SMARCA4: variants seen among roughly 807,000 people sequenced by gnomAD.
The protein encoded by SMARCA4 is SWI/SNF related BAF chromatin remodeling complex subunit ATPase 4.
SMARCA4 carries 31 observed loss-of-function variants against 193.9 expected under a neutral mutation model. That is an observed-to-expected ratio of 0.16 (90% CI 0.12 to 0.22). The LOEUF (loss-of-function observed/expected upper bound fraction) is 0.22, where lower values mean the gene tolerates loss of function less well. SMARCA4 is among the 10% of genes least tolerant of loss of function. The pLI is 1.00. For missense variants in SMARCA4, 1,148 were observed against 2,296.0 expected (o/e 0.50, Z 10.22); for synonymous variants, 942 against 933.1 (o/e 1.01, Z -0.17).
Position 11,030,308 on chromosome 19 carries a change from G to T in SMARCA4, c.3383-422G>T, listed in dbSNP as rs2074835129. ...GTCCACCCACCCCCAGGTCCCTTGT[G>T]TTGCGAGCGGCGGTGTTGCCGGCAT... On this transcript the variant is annotated intron_variant, in intron 24 of 34. Coordinates refer to ENST00000344626, the MANE Select transcript of SMARCA4 (RefSeq NM_003072.5). The surrounding 1 kb of genome is among the most constrained non-coding windows in gnomAD (Gnocchi z 5.5). Among the ~76,000 whole-genome samples, 2 of 152,256 alleles carry T rather than the reference G, an allele frequency of 1.3e-5. No homozygotes were observed. Among genetic ancestry groups the T allele is most frequent in the African/African-American group, 4.8e-5 (2 of 41,474 alleles).
chr19:11,025,303 G>T, intron 21 of SMARCA4, 119 bp from the exon 22 acceptor site: 1 of 722,798 alleles, frequency 1.4e-6, no homozygotes. Flanking sequence ...TGTGCCAAAA[G>T]CCACTCTTCC....
At chr19:10,988,713 A>AT (rs1346346980) in intron 6 of SMARCA4, among the ~76,000 whole-genome samples, 8 of 151,684 alleles carry the variant, frequency 5.3e-5, no homozygotes, top group Admixed American at 1.3e-4. Context: ...TGGATATTTT[A>AT]TTTTTTTTAA....
chr19:11,022,881 A>G (rs576697561), intron 19 of SMARCA4, among the ~76,000 whole-genome samples: 1 of 152,356 alleles, frequency 6.6e-6, no homozygotes, highest in East Asian at 1.9e-4. Flanking sequence ...TAGTTTTGTC[A>G]CTTTCTGAGC....
In SMARCA4 at chr19:10,984,394, C is replaced by T. The variant is rs2145728084; in HGVS notation, c.222+21C>T. ...ACAAGGTAGGGATCCCTGTGCCCGC[C>T]TCGCACCTGCGGCCTCTGCCCACTA... On this transcript the variant is annotated intron_variant, in intron 2 of 34. Transcript: ENST00000344626. The surrounding 1 kb of genome is among the most constrained non-coding windows in gnomAD (Gnocchi z 4.3). 6.4e-7 allele frequency: 1 copy of T among 1,559,742 alleles called. No individual in the cohort carries two copies. The highest frequency in any genetic ancestry group is 8.7e-7 in the Non-Finnish European group (1 of 1,152,006).
chr19:11,013,703 C>G (rs1344012225), intron 16 of SMARCA4, among the ~76,000 whole-genome samples: 2 of 152,160 alleles, frequency 1.3e-5, no homozygotes, highest in Non-Finnish European at 2.9e-5. Flanking sequence ...AGACAAGAAC[C>G]TCCCACTAGA....
intron 16 of SMARCA4, among the ~76,000 whole-genome samples, chr19:11,018,057 C>G (rs534521723): frequency 1.3e-5 from 2 of 152,276 alleles, no homozygotes; most frequent in Non-Finnish European, 2.9e-5. Context: ...GCTGTGCCGC[C>G]TGGTTGGCTG....
chr19:11,004,514 G>T (rs895884490), intron 13 of SMARCA4, among the ~76,000 whole-genome samples: 1 of 152,228 alleles, frequency 6.6e-6, no homozygotes, highest in Non-Finnish European at 1.5e-5. Context: ...GCCTCCCAAA[G>T]TATTGGGATT....
rs577967046 is a variant in SMARCA4, at chr19:11,031,033, A to G, written c.3546+140A>G. On this transcript the variant is annotated intron_variant, in intron 25 of 34. Coordinates refer to ENST00000344626, the MANE Select transcript of SMARCA4 (RefSeq NM_003072.5). This position sits in a 1 kb window ranked among gnomAD's most constrained non-coding sequence, Gnocchi z 4.3. ...AGGAGCCGGGAGGAGCTGCACCCAT[A>G]TCTCCATAGGTCATCAGGGAGAAAA... 177 of 777,334 alleles carry G rather than the reference A, an allele frequency of 2.3e-4. No individual in the cohort carries two copies. The African/African-American group carries it at 2.7e-3, about 12-fold the overall frequency. 48.2% of individuals were successfully genotyped at this position (777,334 alleles called of 1,614,324 possible). A position where few individuals can be genotyped will look rare whatever the true frequency, so the allele number is the denominator to read the frequency against.
At position 11,041,525 on chromosome 19, in the gene SMARCA4, G is replaced by T. The variant is rs141891784; in HGVS notation, c.4389G>T (p.Lys1463Asn). The change falls in exon 30 of 35, where the codon AAG becomes AAT. Residue 1463 changes from lysine to asparagine, a missense_variant. Physicochemically the swap from Lys to Asn is moderately conservative, Grantham distance 94 (BLOSUM62 0). Transcript: ENST00000344626. This position sits in a 1 kb window ranked among gnomAD's most constrained non-coding sequence, Gnocchi z 5.6. ...PNPPNLTKKMKKIVDAVIKYK... is the reference protein window; with the variant it reads ...PNPPNLTKKMNKIVDAVIKYK... ...CACCCAACCTCACCAAGAAGATGAA[G>T]AAGATTGTGGATGCCGTGATCAAGT... 1 of 1,613,834 alleles carries T rather than the reference G, an allele frequency of 6.2e-7. No individual in the cohort carries two copies. Among genetic ancestry groups the T allele is most frequent in the African/African-American group, 1.3e-5 (1 of 75,044 alleles).
At position 10,996,568 on chromosome 19, in the gene SMARCA4, G is replaced by C. The variant is rs558355063; in HGVS notation, c.1812+24G>C. 14 of 1,610,556 alleles carry C rather than the reference G, an allele frequency of 8.7e-6. No individual in the cohort carries two copies. In the South Asian group the frequency reaches 1.4e-4, roughly 16 times the overall value. ...AGGTGAGGAAGCAGGGTTTCTTGTGGAAGTATCAAGCTAGCCCTAAGGCGT... is the reference window on the plus strand; with the variant it reads ...AGGTGAGGAAGCAGGGTTTCTTGTGCAAGTATCAAGCTAGCCCTAAGGCGT... On this transcript the variant is annotated intron_variant, in intron 11 of 34. Transcript: ENST00000344626.
intron 13 of SMARCA4, among the ~76,000 whole-genome samples, chr19:11,003,806 G>A (rs1215288352): frequency 6.7e-6 from 1 of 149,036 alleles, no homozygotes; most frequent in Non-Finnish European, 1.5e-5. Flanking sequence ...CCACCTCCCG[G>A]GTTCAAGCAA....
intron 13 of SMARCA4, among the ~76,000 whole-genome samples, chr19:11,003,878 G>T (rs1413800236): frequency 6.8e-6 from 1 of 147,304 alleles, no homozygotes; most frequent in Non-Finnish European, 1.5e-5. Flanking sequence ...CGTCCAGCTA[G>T]TTTTTTTATG....
In SMARCA4 at chr19:11,030,298, G is replaced by A. The variant is rs957078455; in HGVS notation, c.3383-432G>A. ...CACAGTCACTGTCCACCCACCCCCA[G>A]GTCCCTTGTGTTGCGAGCGGCGGTG... On this transcript the variant is annotated intron_variant, in intron 24 of 34. Coordinates refer to ENST00000344626, the MANE Select transcript of SMARCA4 (RefSeq NM_003072.5). This position sits in a 1 kb window ranked among gnomAD's most constrained non-coding sequence, Gnocchi z 5.5. Among the ~76,000 whole-genome samples, 3 of 152,348 alleles carry A rather than the reference G, an allele frequency of 2.0e-5. 1 individual carries two copies. Among genetic ancestry groups the A allele is most frequent in the East Asian group, 1.9e-4 (1 of 5,184 alleles).
chr19:10,974,840 G>C (rs966539291), intron 1 of SMARCA4, among the ~76,000 whole-genome samples: 7 of 148,040 alleles, frequency 4.7e-5, no homozygotes, highest in African/African-American at 1.7e-4. Context: ...CCAAGTAGCT[G>C]TGATTACAGG....
At chr19:10,996,586 T>C in intron 11 of SMARCA4, 42 bp downstream of exon 11, 1 of 1,576,604 alleles carries the variant, frequency 6.3e-7, no homozygotes, top group Non-Finnish European at 8.7e-7. Flanking sequence ...AAGCTAGCCC[T>C]AAGGCGTTGG....
chr19:10,984,765 G>C lies in SMARCA4; in HGVS notation c.222+392G>C, dbSNP rs530528190. 6.6e-6 allele frequency among the ~76,000 whole-genome samples: 1 copy of C among 152,228 alleles called. No individual in the cohort carries two copies. The highest frequency in any genetic ancestry group is 1.5e-5 in the Non-Finnish European group (1 of 68,034). ...GCTCACCTGTGCAGCTCGCAGAGCC[G>C]AGCAGCGGGTTCCCTTTCCTCCAAG... On this transcript the variant is annotated intron_variant, in intron 2 of 34. Transcript: ENST00000344626. The surrounding 1 kb of genome is among the most constrained non-coding windows in gnomAD (Gnocchi z 4.3).
intron 13 of SMARCA4, among the ~76,000 whole-genome samples, chr19:11,006,824 A>G (rs2088256973): frequency 6.6e-6 from 1 of 151,478 alleles, no homozygotes; most frequent in Non-Finnish European, 1.5e-5. Context: ...AGTGGCTCAT[A>G]CCTGTAATCC....
intron 30 of SMARCA4, among the ~76,000 whole-genome samples, chr19:11,047,049 C>G (rs190739072): frequency 2.1e-4 from 31 of 151,060 alleles, no homozygotes; most frequent in African/African-American, 7.0e-4. Flanking sequence ...ATGGATATTT[C>G]TGATATTCTT....
chr19:10,985,349 CAG>C lies in SMARCA4; in HGVS notation c.300_301del (p.Gly102ProfsTer26), dbSNP rs780424104. 6.2e-7 allele frequency: 1 copy of C among 1,614,038 alleles called. No individual in the cohort carries two copies. Among genetic ancestry groups the C allele is most frequent in the Non-Finnish European group, 8.5e-7 (1 of 1,179,990 alleles). On this transcript the variant is annotated frameshift_variant, in exon 3 of 35. Transcript: ENST00000344626. LOFTEE classifies it high-confidence loss of function. The surrounding 1 kb of genome is among the most constrained non-coding windows in gnomAD (Gnocchi z 4.5). ...CAGATGAAAGGAATGGGGATGCGGTCAGGGGGCCATGCTGGGATGGGGCCCCC... is the reference window on the plus strand; with the variant it reads ...CAGATGAAAGGAATGGGGATGCGGTCGGGGCCATGCTGGGATGGGGCCCCC...
Sources: allele counts gnomAD v4.1 joint callset (sites outside exome capture counted in the v4.1 genomes callset), GRCh38; gene constraint gnomAD v4.1.1; non-coding constraint Gnocchi (gnomAD v3.1); transcripts MANE v1.5; gene names NCBI Gene and HGNC (gene_info 2026-07-23, HGNC 2026-07-21).